Variants in CAB39L observed in about 807,000 individuals in gnomAD.
The protein encoded by CAB39L is calcium-binding protein 39-like.
A neutral mutation model predicts 39.1 loss-of-function variants in CAB39L; 23 were observed. The ratio of observed to expected loss-of-function variants is 0.59; its 90% CI spans 0.42 to 0.83. CAB39L has a LOEUF of 0.83. Among genes scored for constraint, CAB39L ranks in the 40% least tolerant of loss-of-function variants. The pLI is 0.00. For synonymous variants in CAB39L, 126 were observed against 137.2 expected (o/e 0.92, Z 0.57); for missense variants, 366 against 391.9 (o/e 0.93, Z 0.56).
At chr13:49,359,941 C>T in intron 5 of CAB39L, 109 bp from the exon 6 acceptor site, 1 of 584,602 alleles carries the variant, frequency 1.7e-6, no homozygotes. Flanking sequence ...TGGTACCATC[C>T]TTTCTAATAT....
chr13:49,373,123 A>G (rs957659550), intron 5 of CAB39L, among the ~76,000 whole-genome samples: 67 of 152,212 alleles, frequency 4.4e-4, no homozygotes, highest in African/African-American at 1.5e-3. Flanking sequence ...TTCTCCATGA[A>G]CATCTTCCTT....
intron 3 of CAB39L, among the ~76,000 whole-genome samples, chr13:49,396,108 A>AAAAAAAAAAC (rs1956618022): frequency 6.8e-6 from 1 of 148,020 alleles, no homozygotes; most frequent in South Asian, 2.2e-4. Flanking sequence ...AAAAAAAAAA[A>AAAAAAAAAAC]CTTAAAAAAA....
intron 3 of CAB39L, among the ~76,000 whole-genome samples, chr13:49,405,763 G>GA (rs1566122341): frequency 2.6e-5 from 2 of 76,874 alleles, no homozygotes; most frequent in Non-Finnish European, 3.3e-5. Context: ...GGGAGGGACG[G>GA]AGGGACAGAG....
intron 3 of CAB39L, among the ~76,000 whole-genome samples, chr13:49,407,925 T>C (rs1051771552): frequency 6.9e-6 from 1 of 144,002 alleles, no homozygotes; most frequent in African/African-American, 2.6e-5. Flanking sequence ...GCTATGTGAA[T>C]GATAATAGTA....
intron 5 of CAB39L, among the ~76,000 whole-genome samples, chr13:49,363,456 T>C (rs1024602875): frequency 1.6e-4 from 24 of 152,084 alleles, no homozygotes; most frequent in African/African-American, 5.8e-4. Context: ...TAAGATGGTA[T>C]ACGCATGCCT....
Position 49,346,120 on chromosome 13 carries a change from T to TATATATCTC in CAB39L, c.565-1883_565-1882insGAGATATAT, listed in dbSNP as rs10663110. Among the ~76,000 whole-genome samples, 8 of 88,482 alleles carry TATATATCTC rather than the reference T, an allele frequency of 9.0e-5. 2 individuals are homozygous for TATATATCTC. Among genetic ancestry groups the TATATATCTC allele is most frequent in the Non-Finnish European group, 1.8e-4 (8 of 44,890 alleles). The allele number at this position is 88,482 out of a possible 152,430, so 58.0% of individuals were successfully genotyped here. A position where few individuals can be genotyped will look rare whatever the true frequency, so the allele number is the denominator to read the frequency against. Reference sequence around the variant, plus strand: ...TGCTAGATATATATATATATATATATATATCATGGATACAGCCAATAAACA... The same window carrying TATATATCTC: ...TGCTAGATATATATATATATATATATATATATCTCATATCATGGATACAGCCAATAAACA... On this transcript the variant is annotated intron_variant, in intron 7 of 10. Coordinates refer to ENST00000409308, the MANE Select transcript of CAB39L (RefSeq NM_001079670.3).
At position 49,350,855 on chromosome 13, in the gene CAB39L, TCGAATA is replaced by T. The variant is rs1285293203; in HGVS notation, c.447_452del (p.Cys149_Arg151delinsTer). On this transcript the variant is annotated stop_gained and inframe_deletion, in exon 7 of 11. Coordinates refer to ENST00000409308, the MANE Select transcript of CAB39L (RefSeq NM_001079670.3). LOFTEE classifies it high-confidence loss of function. ...GGATGATTTTGGCAAGTGGTTCATG[TCGAATA>T]CATTCTCTCAGCATAATCCCACAAC... is the stretch of plus-strand genomic sequence containing the variant. The T allele has an allele frequency of 6.2e-7, 1 of 1,612,336 alleles. No individual in the cohort carries two copies. Among genetic ancestry groups the T allele is most frequent in the Non-Finnish European group, 8.5e-7 (1 of 1,179,172 alleles).
At chr13:49,434,932 C>CT (rs1469949308) in intron 1 of CAB39L, among the ~76,000 whole-genome samples, 1 of 152,024 alleles carries the variant, frequency 6.6e-6, no homozygotes, top group African/African-American at 2.4e-5. Flanking sequence ...TTTCATTCTA[C>CT]TTTTTTATTT....
intron 1 of CAB39L, among the ~76,000 whole-genome samples, chr13:49,434,561 C>A (rs1385840969): frequency 6.6e-6 from 1 of 152,038 alleles, no homozygotes; most frequent in Non-Finnish European, 1.5e-5. Flanking sequence ...TTTTGTCCAA[C>A]AACTATCAAC....
chr13:49,441,498 T>C (rs1027308761), intron 1 of CAB39L, among the ~76,000 whole-genome samples: 8 of 151,546 alleles, frequency 5.3e-5, no homozygotes, highest in Admixed American at 5.3e-4. Flanking sequence ...GCCTGGGGGG[T>C]CAAGGCTGCA....
intron 3 of CAB39L, among the ~76,000 whole-genome samples, chr13:49,429,558 C>T (rs1054260101): frequency 3.3e-5 from 5 of 152,098 alleles, no homozygotes; most frequent in African/African-American, 1.2e-4. Context: ...GGAAAAAATA[C>T]CACAAATTGG....
At chr13:49,349,978 G>C (rs1955296136) in intron 7 of CAB39L, among the ~76,000 whole-genome samples, 1 of 152,058 alleles carries the variant, frequency 6.6e-6, no homozygotes. Flanking sequence ...TATATTCTCT[G>C]AACATTTTTT....
chr13:49,407,011 A>G (rs916434729), intron 3 of CAB39L, among the ~76,000 whole-genome samples: 1 of 152,238 alleles, frequency 6.6e-6, no homozygotes, highest in African/African-American at 2.4e-5. Flanking sequence ...ACTATTTTAC[A>G]TTGTTATTCA....
At chr13:49,435,276 T>C (rs2138742565) in intron 1 of CAB39L, among the ~76,000 whole-genome samples, 1 of 152,306 alleles carries the variant, frequency 6.6e-6, no homozygotes, top group East Asian at 1.9e-4. Context: ...TAATGGGCAT[T>C]TTAGTTATTT....
intron 3 of CAB39L, among the ~76,000 whole-genome samples, chr13:49,400,814 G>GA (rs2138654741): frequency 1.3e-5 from 2 of 151,898 alleles, no homozygotes; most frequent in Admixed American, 1.3e-4. Context: ...AGAGAAACAT[G>GA]AAAAAAGGTA....
chr13:49,366,473 A>C (rs11148142), intron 5 of CAB39L, among the ~76,000 whole-genome samples: 1 of 151,936 alleles, frequency 6.6e-6, no homozygotes, highest in Admixed American at 6.6e-5. Flanking sequence ...CTAAAAATAC[A>C]AAAATTAGCT....
chr13:49,417,813 C>T (rs7328755), intron 3 of CAB39L, among the ~76,000 whole-genome samples: 102,681 of 151,972 alleles, frequency 0.68, 36,098 homozygotes, highest in African/African-American at 0.88. Flanking sequence ...AAATTAAAAT[C>T]TGAGTTAAAA....
chr13:49,356,639 A>G (rs1259143570), intron 6 of CAB39L, among the ~76,000 whole-genome samples: 2 of 152,298 alleles, frequency 1.3e-5, no homozygotes, highest in East Asian at 3.9e-4. Flanking sequence ...TCTCATTTAT[A>G]TTATTGTTTG....
intron 4 of CAB39L, among the ~76,000 whole-genome samples, chr13:49,381,217 T>G (rs962558927): frequency 3.3e-5 from 5 of 152,206 alleles, no homozygotes; most frequent in Non-Finnish European, 5.9e-5. Context: ...CGTGAGCCAC[T>G]GCGCCTGGCT....
Sources: gnomAD v4.1 joint callset for allele counts (sites outside exome capture counted in the v4.1 genomes callset) on GRCh38, gnomAD v4.1.1 for gene constraint, MANE v1.5 for transcripts, NCBI Gene and HGNC (gene_info 2026-07-23, HGNC 2026-07-21) for gene names.